Variants in NUP153 observed in about 807,000 individuals in gnomAD.
NUP153 encodes nucleoporin 153.
NUP153 carries 27 observed loss-of-function variants against 134.6 expected under a neutral mutation model. The ratio of observed to expected loss-of-function variants is 0.20; its 90% CI spans 0.15 to 0.28. The LOEUF (loss-of-function observed/expected upper bound fraction) is 0.28, where lower values mean the gene tolerates loss of function less well. Among genes scored for constraint, NUP153 ranks in the 10% least tolerant of loss-of-function variants. The pLI is 1.00. For missense variants in NUP153, 1,821 were observed against 1,731.3 expected, an observed-to-expected ratio of 1.05 and a Z score of -0.92; for synonymous variants, 640 against 623.5, an observed-to-expected ratio of 1.03 and a Z score of -0.40.
chr6:17,663,233 A>G (rs7754546), intron 9 of NUP153, among the ~76,000 whole-genome samples: 63 of 27,170 alleles, frequency 2.3e-3, no homozygotes, highest in Non-Finnish European at 4.0e-3. Flanking sequence ...AGAAAAAAAT[A>G]CACACACACA....
At chr6:17,674,541 G>A (rs1011910372) in intron 5 of NUP153, among the ~76,000 whole-genome samples, 1 of 152,122 alleles carries the variant, frequency 6.6e-6, no homozygotes, top group Non-Finnish European at 1.5e-5. Flanking sequence ...GGCCGGGGTG[G>A]GCGCATCACG....
At chr6:17,641,432 G>A (rs1331801016) in intron 14 of NUP153, among the ~76,000 whole-genome samples, 1 of 152,200 alleles carries the variant, frequency 6.6e-6, no homozygotes, top group Non-Finnish European at 1.5e-5. Context: ...CTACTCAGGA[G>A]GCTGAGGCAG....
At chr6:17,693,881 G>GT (rs1769449805) in intron 1 of NUP153, among the ~76,000 whole-genome samples, 1 of 152,172 alleles carries the variant, frequency 6.6e-6, no homozygotes, top group African/African-American at 2.4e-5. Flanking sequence ...CACTCCCAAA[G>GT]TGCACCACCA....
Position 17,637,231 on chromosome 6 carries a change from A to G in NUP153, c.2386T>C (p.Ser796Pro). 4 of 1,614,156 alleles carry G rather than the reference A, an allele frequency of 2.5e-6. No homozygotes were observed. Among genetic ancestry groups the G allele is most frequent in the South Asian group, 1.1e-5 (1 of 91,084 alleles). ...FGDKFKRPIG[S>P]WECSVCCVSN... ...ACACAGCATACTGAACACTCCCAAG[A>G]TCCAATGGGCCTTTTGAATTTATCT... Residue 796 changes from serine to proline, a missense_variant, in exon 16 of 22, where the codon TCT becomes CCT. Coordinates refer to ENST00000262077, the MANE Select transcript of NUP153 (RefSeq NM_005124.4).
chr6:17,616,222 G>A (rs564010142), intron 21 of NUP153, 41 bp from the exon 22 acceptor site: 2 of 1,226,858 alleles, frequency 1.6e-6, no homozygotes, highest in East Asian at 5.0e-5. Flanking sequence ...ATGATGCTCT[G>A]AGCAAAATTT....
chr6:17,635,342 C>G (rs958411307), intron 16 of NUP153, among the ~76,000 whole-genome samples: 1 of 152,008 alleles, frequency 6.6e-6, no homozygotes, highest in African/African-American at 2.4e-5. Flanking sequence ...ATCTCCTGAC[C>G]TGGTGATCCA....
In NUP153 at chr6:17,629,346, T is replaced by C. The variant is rs1765109656; in HGVS notation, c.2853A>G (p.Lys951=). ...GSINPMSEGF[K]FSKPIGDFKF... The stretch of plus-strand genomic sequence containing the variant: ...TAAAATCTCCTATTGGTTTAGAAAA[T>C]TTAAAGCCTTCACTCATGGGGTTTA... Residue 951 remains lysine, a synonymous_variant, in exon 18 of 22, where the codon AAA becomes AAG. Coordinates refer to ENST00000262077, the MANE Select transcript of NUP153 (RefSeq NM_005124.4). 6.2e-7 allele frequency: 1 copy of C among 1,609,946 alleles called. No homozygotes were observed. The highest frequency in any genetic ancestry group is 1.3e-5 in the African/African-American group (1 of 74,700).
At chr6:17,647,731 G>T in intron 13 of NUP153, 76 bp downstream of exon 13, 1 of 922,966 alleles carries the variant, frequency 1.1e-6, no homozygotes, top group South Asian at 1.5e-5. Context: ...CACCACCAGT[G>T]GCATCTTAGA....
chr6:17,669,087 T>C (rs1767737020), intron 7 of NUP153, 59 bp from the exon 8 acceptor site: 1 of 1,328,824 alleles, frequency 7.5e-7, no homozygotes, highest in East Asian at 2.4e-5. Flanking sequence ...ATACCTTTTT[T>C]TTTTTTTTTG....
chr6:17,668,849 A>G, intron 8 of NUP153, 126 bp downstream of exon 8: 1 of 668,482 alleles, frequency 1.5e-6, no homozygotes, highest in South Asian at 2.0e-5. Flanking sequence ...ACTCAAAAAA[A>G]AAAAGAATAT....
intron 2 of NUP153, among the ~76,000 whole-genome samples, chr6:17,683,700 C>T (rs548917721): frequency 6.6e-6 from 1 of 151,892 alleles, no homozygotes; most frequent in South Asian, 2.1e-4. Context: ...CTTCAACTTA[C>T]AGTCACCAGT....
chr6:17,695,877 C>T (rs1307055992), intron 1 of NUP153, among the ~76,000 whole-genome samples: 4 of 152,002 alleles, frequency 2.6e-5, no homozygotes, highest in South Asian at 2.1e-4. Context: ...GACATGGTGG[C>T]GGGCACCTGT....
chr6:17,640,070 A>AT lies in NUP153; in HGVS notation c.1721-7dup. 6.5e-7 allele frequency: 1 copy of AT among 1,537,832 alleles called. No individual in the cohort carries two copies. Among genetic ancestry groups the AT allele is most frequent in the Non-Finnish European group, 8.7e-7 (1 of 1,145,082 alleles). ...CACTGTAGTGACATGATGAGCTGTA[A>AT]TTTTTTTAAATTTAATAACATTATG... On this transcript the variant is annotated splice_polypyrimidine_tract_variant and splice_region_variant and intron_variant, in intron 14 of 21. Transcript: ENST00000262077.
intron 2 of NUP153, among the ~76,000 whole-genome samples, chr6:17,686,633 G>C (rs1016817818): frequency 2.0e-5 from 3 of 150,828 alleles, no homozygotes; most frequent in Non-Finnish European, 4.4e-5. Flanking sequence ...CTGACCTCAT[G>C]ATCCACCCAC....
In NUP153 at chr6:17,616,126, T is replaced by C; in HGVS notation, c.4399A>G (p.Ile1467Val). Reference protein sequence around the residue: ...SSGTSFSGRKIKTAVRRRK With the variant: ...SSGTSFSGRKVKTAVRRRK The stretch of plus-strand genomic sequence containing the variant: ...TTCCTGCGTCTAACAGCAGTCTTTA[T>C]CTTGCGACCAGAGAATGAAGTTCCA... The change falls in exon 22 of 22, where the codon ATA becomes GTA. Residue 1467 changes from isoleucine to valine, a missense_variant. Transcript: ENST00000262077. 6.2e-7 allele frequency: 1 copy of C among 1,613,954 alleles called. No individual in the cohort carries two copies. Among genetic ancestry groups the C allele is most frequent in the Non-Finnish European group, 8.5e-7 (1 of 1,179,818 alleles).
At chr6:17,685,812 T>C (rs1285402328) in intron 2 of NUP153, among the ~76,000 whole-genome samples, 1 of 151,986 alleles carries the variant, frequency 6.6e-6, no homozygotes, top group East Asian at 1.9e-4. Context: ...GTACTTACTA[T>C]ACCTTTTATC....
Position 17,632,846 on chromosome 6 carries a change from T to TAAAA in NUP153, c.2465-6_2465-3dup, listed in dbSNP as rs36027788. 4.4e-3 allele frequency: 3,767 copies of TAAAA among 862,842 alleles called. 5 individuals are homozygous for TAAAA. Among genetic ancestry groups the TAAAA allele is most frequent in the South Asian group, 5.3e-3 (218 of 41,406 alleles). 53.4% of individuals were successfully genotyped at this position (862,842 alleles called of 1,614,324 possible). A position where few individuals can be genotyped will look rare whatever the true frequency, so the allele number is the denominator to read the frequency against. On this transcript the variant is annotated splice_polypyrimidine_tract_variant and splice_region_variant and intron_variant, in intron 16 of 21. Coordinates refer to ENST00000262077, the MANE Select transcript of NUP153 (RefSeq NM_005124.4). ...TACTTGAAGCAGGTACTGAACTTCC[T>TAAAA]AAAAAAAAAAAAAAAAACGGGGAGT...
chr6:17,639,293 G>A (rs1765721878), intron 15 of NUP153, among the ~76,000 whole-genome samples: 1 of 151,968 alleles, frequency 6.6e-6, no homozygotes, highest in South Asian at 2.1e-4. Context: ...TGGCCAGGCT[G>A]GTCTTCAACT....
At chr6:17,693,359 T>C (rs772378056) in intron 1 of NUP153, among the ~76,000 whole-genome samples, 3 of 152,040 alleles carry the variant, frequency 2.0e-5, no homozygotes, top group African/African-American at 4.8e-5. Flanking sequence ...CACTAGATAT[T>C]AGAGAATGGG....
Sources: gnomAD v4.1 joint callset for allele counts (sites outside exome capture counted in the v4.1 genomes callset) on GRCh38, gnomAD v4.1.1 for gene constraint, MANE v1.5 for transcripts, NCBI Gene and HGNC (gene_info 2026-07-23, HGNC 2026-07-21) for gene names.